The following CPA6 variants were observed in gnomAD, a reference collection of about 807,000 sequenced individuals.
CPA6 encodes carboxypeptidase B.
CPA6 carries 58 observed loss-of-function variants against 63.3 expected under a neutral mutation model. That is an observed-to-expected ratio of 0.92 (90% CI 0.74 to 1.14). The LOEUF (loss-of-function observed/expected upper bound fraction) is 1.14. Among genes scored for constraint, CPA6 ranks in the 50% most tolerant of loss-of-function variants. CPA6 has a pLI of 0.00. For synonymous variants in CPA6, 185 were observed against 179.0 expected (o/e 1.03, Z -0.27); for missense variants, 565 against 526.6 (o/e 1.07, Z -0.71).
intron 8 of CPA6, among the ~76,000 whole-genome samples, chr8:67,439,342 C>T (rs1476886640): frequency 6.6e-6 from 1 of 151,750 alleles, no homozygotes; most frequent in East Asian, 1.9e-4. Flanking sequence ...AATCCCAGCA[C>T]TTTGGGAGCC....
chr8:67,607,594 C>T (rs1052526946), intron 2 of CPA6, among the ~76,000 whole-genome samples: 1 of 151,986 alleles, frequency 6.6e-6, no homozygotes, highest in African/African-American at 2.4e-5. Flanking sequence ...TATTGTAATA[C>T]CTTTCTACAA....
chr8:67,506,417 G>T (rs1403010766), intron 6 of CPA6, among the ~76,000 whole-genome samples: 2 of 152,216 alleles, frequency 1.3e-5, no homozygotes, highest in Non-Finnish European at 2.9e-5. Context: ...GTCAAGTGAT[G>T]TAGAACTTTC....
chr8:67,717,841 G>A (rs1817411439), intron 1 of CPA6, among the ~76,000 whole-genome samples: 1 of 152,178 alleles, frequency 6.6e-6, no homozygotes, highest in Non-Finnish European at 1.5e-5. Context: ...GAAGAGCTAG[G>A]AGGGAGTTGG....
chr8:67,617,788 C>T (rs1554680915), intron 2 of CPA6, among the ~76,000 whole-genome samples: 2 of 152,192 alleles, frequency 1.3e-5, no homozygotes, highest in Non-Finnish European at 1.5e-5. Context: ...TTGGGCTTAT[C>T]TTCTCACTGC....
At position 67,615,684 on chromosome 8, in the gene CPA6, A is replaced by G. The variant is rs565278790; in HGVS notation, c.192+8492T>C. ...TTCCATCAGTGCCTCCATATCCACC[A>G]TATGCAATTCAGAGAATTAATGACA... On this transcript the variant is annotated intron_variant, in intron 2 of 10. Coordinates refer to ENST00000297770, the MANE Select transcript of CPA6 (RefSeq NM_020361.5). Among the ~76,000 whole-genome samples, 4 of 152,332 alleles carry G rather than the reference A, an allele frequency of 2.6e-5. No homozygotes were observed. The East Asian group carries it at 7.7e-4, about 29-fold the overall frequency.
At chr8:67,681,207 T>TC (rs1816587996) in intron 1 of CPA6, among the ~76,000 whole-genome samples, 1 of 108,374 alleles carries the variant, frequency 9.2e-6, no homozygotes, top group Admixed American at 8.1e-5. Context: ...TTTCTTTTTT[T>TC]TTTTTTTTTT....
chr8:67,704,936 T>C lies in CPA6; in HGVS notation c.116+41078A>G, dbSNP rs182549272. On this transcript the variant is annotated intron_variant, in intron 1 of 10. Transcript: ENST00000297770. ...TCGGCCTTAGAAACCAGTGCCCCTA[T>C]GATGGAAATCCTCAAGTTAGCCTCT... Among the ~76,000 whole-genome samples the C allele has an allele frequency of 5.2e-3, 787 of 152,250 alleles. 7 individuals carry two copies. Among genetic ancestry groups the C allele is most frequent in the African/African-American group, 0.018 (740 of 41,548 alleles).
chr8:67,705,732 G>T (rs941699211), intron 1 of CPA6, among the ~76,000 whole-genome samples: 1 of 152,138 alleles, frequency 6.6e-6, no homozygotes, highest in Non-Finnish European at 1.5e-5. Flanking sequence ...TAACTCAGGG[G>T]TTTAGAAATT....
At chr8:67,510,860 C>T (rs1384476948) in intron 4 of CPA6, among the ~76,000 whole-genome samples, 1 of 152,166 alleles carries the variant, frequency 6.6e-6, no homozygotes, top group African/African-American at 2.4e-5. Context: ...CAAATACTCA[C>T]ATAATTACAT....
intron 1 of CPA6, among the ~76,000 whole-genome samples, chr8:67,642,221 G>C (rs1385763254): frequency 4.6e-5 from 7 of 152,044 alleles, no homozygotes; most frequent in Admixed American, 4.6e-4. Context: ...GGGAGGCTGA[G>C]GCAGGAGAAT....
intron 1 of CPA6, among the ~76,000 whole-genome samples, chr8:67,664,533 G>T (rs1816186146): frequency 6.6e-6 from 1 of 152,094 alleles, no homozygotes; most frequent in Non-Finnish European, 1.5e-5. Context: ...CCCACACCTG[G>T]CTCATGAATA....
chr8:67,551,757 C>G (rs1812943611), intron 2 of CPA6, among the ~76,000 whole-genome samples: 1 of 152,020 alleles, frequency 6.6e-6, no homozygotes, highest in Non-Finnish European at 1.5e-5. Flanking sequence ...AGATGTATTT[C>G]TAGGTATTTT....
chr8:67,503,211 G>A (rs1407335432), intron 6 of CPA6, among the ~76,000 whole-genome samples: 2 of 151,636 alleles, frequency 1.3e-5, no homozygotes, highest in African/African-American at 4.8e-5. Flanking sequence ...GCTAATTTTT[G>A]TAATTTTAGT....
chr8:67,451,656 G>T (rs371926908), intron 8 of CPA6, among the ~76,000 whole-genome samples: 19 of 152,274 alleles, frequency 1.2e-4, no homozygotes, highest in African/African-American at 4.3e-4. Context: ...TGCCACAAAG[G>T]TTGGGGACTG....
At chr8:67,457,689 C>T (rs184254071) in intron 8 of CPA6, among the ~76,000 whole-genome samples, 16 of 145,484 alleles carry the variant, frequency 1.1e-4, no homozygotes, top group African/African-American at 4.0e-4. Context: ...TGTTATTCCC[C>T]CAACCCCAGA....
intron 8 of CPA6, among the ~76,000 whole-genome samples, chr8:67,474,567 A>G (rs1487859339): frequency 1.3e-5 from 2 of 152,130 alleles, no homozygotes; most frequent in Non-Finnish European, 2.9e-5. Context: ...GGCACTTAGA[A>G]AGAGTTTGGA....
At chr8:67,540,607 G>A (rs1195533915) in intron 2 of CPA6, among the ~76,000 whole-genome samples, 4 of 152,200 alleles carry the variant, frequency 2.6e-5, no homozygotes, top group African/African-American at 9.6e-5. Context: ...TGTGCCAGCC[G>A]CCCCTTCCTC....
chr8:67,487,084 T>C (rs1444285169), intron 6 of CPA6, among the ~76,000 whole-genome samples: 1 of 152,172 alleles, frequency 6.6e-6, no homozygotes, highest in Non-Finnish European at 1.5e-5. Flanking sequence ...CTTTAAATTC[T>C]AGGGTACATG....
intron 8 of CPA6, among the ~76,000 whole-genome samples, chr8:67,440,429 G>A (rs1810265157): frequency 6.6e-6 from 1 of 152,026 alleles, no homozygotes; most frequent in Non-Finnish European, 1.5e-5. Context: ...AAATTGGCAG[G>A]GCGTGGTGAC....
Sources: gnomAD v4.1 joint callset for allele counts (sites outside exome capture counted in the v4.1 genomes callset) on GRCh38, gnomAD v4.1.1 for gene constraint, MANE v1.5 for transcripts, NCBI Gene and HGNC (gene_info 2026-07-23, HGNC 2026-07-21) for gene names.